Variants in PSMD1 observed in about 807,000 individuals in gnomAD.
PSMD1 encodes the protein proteasome 26S subunit, non-ATPase 1, also known as 26S proteasome non-ATPase regulatory subunit 1.
In PSMD1, 18 loss-of-function variants were observed where a neutral mutation model predicts 119.0. That is an observed-to-expected ratio of 0.15 (90% CI 0.10 to 0.22). The LOEUF is 0.22. PSMD1 is among the 10% of genes least tolerant of loss of function. The pLI is 1.00. For synonymous variants in PSMD1, 374 were observed against 396.6 expected (o/e 0.94, Z 0.68); for missense variants, 702 against 1,158.5 (o/e 0.61, Z 5.72).
chr2:231,069,188 T>A (rs990579755), intron 5 of PSMD1, among the ~76,000 whole-genome samples: 45 of 144,238 alleles, frequency 3.1e-4, no homozygotes, highest in South Asian at 4.4e-4. Context: ...AAAAATGTTT[T>A]AAAAAAAAAA....
At chr2:231,063,591 A>G (rs1490084031) in intron 4 of PSMD1, among the ~76,000 whole-genome samples, 1 of 152,230 alleles carries the variant, frequency 6.6e-6, no homozygotes, top group Non-Finnish European at 1.5e-5. Flanking sequence ...GGTACCATCA[A>G]CTGTCCTTGG....
chr2:231,165,071 T>TTTATATACATATATAC lies in PSMD1; in HGVS notation c.2482-129_2482-128insTTATATACATATATAC, dbSNP rs1167986542. 3.2e-4 allele frequency: 17 copies of TTTATATACATATATAC among 52,466 alleles called. No homozygotes were observed. The East Asian group carries it at 6.8e-3, about 21-fold the overall frequency. The allele number at this position is 52,466 out of a possible 1,614,324, so 3.3% of individuals were successfully genotyped here. On this transcript the variant is annotated intron_variant, in intron 21 of 24. Transcript: ENST00000308696. ...ATATATATATATATATATATATATA[T>TTTATATACATATATAC]ATATATATATATATATATATGTAAT...
intron 20 of PSMD1, among the ~76,000 whole-genome samples, chr2:231,161,853 A>G (rs929888188): frequency 2.6e-5 from 4 of 152,242 alleles, no homozygotes; most frequent in South Asian, 2.1e-4. Flanking sequence ...CAAATGATAA[A>G]TGAACATGAG....
At chr2:231,090,960 T>C (rs1313009381) in intron 16 of PSMD1, among the ~76,000 whole-genome samples, 1 of 152,196 alleles carries the variant, frequency 6.6e-6, no homozygotes, top group Non-Finnish European at 1.5e-5. Flanking sequence ...ATTGTTGAAA[T>C]GTTAGGTGTA....
At chr2:231,102,061 C>T (rs1694881362) in intron 16 of PSMD1, among the ~76,000 whole-genome samples, 1 of 152,198 alleles carries the variant, frequency 6.6e-6, no homozygotes, top group Admixed American at 6.5e-5. Context: ...TTAGGAGATC[C>T]TCCTGTTTCC....
chr2:231,088,597 C>T (rs557535397), intron 16 of PSMD1, among the ~76,000 whole-genome samples: 4 of 152,256 alleles, frequency 2.6e-5, no homozygotes, highest in Admixed American at 2.0e-4. Context: ...TTTTGGGACA[C>T]CACGAACCAC....
At chr2:231,071,158 G>GT (rs1311381739) in intron 6 of PSMD1, among the ~76,000 whole-genome samples, 1 of 151,444 alleles carries the variant, frequency 6.6e-6, no homozygotes, top group Admixed American at 6.6e-5. Context: ...ATTTTTCATA[G>GT]TTTTTTTTAA....
intron 16 of PSMD1, among the ~76,000 whole-genome samples, chr2:231,098,398 G>C (rs1237018864): frequency 1.3e-5 from 2 of 151,792 alleles, no homozygotes; most frequent in African/African-American, 4.8e-5. Context: ...TTGAGTTTCT[G>C]TTCTCTCTCT....
chr2:231,101,307 C>T (rs924385325), intron 16 of PSMD1, among the ~76,000 whole-genome samples: 2 of 152,138 alleles, frequency 1.3e-5, no homozygotes, highest in East Asian at 3.9e-4. Context: ...AATTTAACTG[C>T]CTTTAGCTAA....
chr2:231,103,426 T>C (rs1160380805), intron 16 of PSMD1, among the ~76,000 whole-genome samples: 1 of 152,230 alleles, frequency 6.6e-6, no homozygotes, highest in Non-Finnish European at 1.5e-5. Flanking sequence ...GATTGTTTCT[T>C]AAGTTACACT....
intron 5 of PSMD1, 36 bp downstream of exon 5, chr2:231,067,147 A>T: frequency 6.8e-7 from 1 of 1,462,684 alleles, no homozygotes; most frequent in Non-Finnish European, 9.2e-7. Flanking sequence ...ATTATTGTTG[A>T]TAGGGAATCA....
At chr2:231,102,741 AAGT>A (rs2125195616) in intron 16 of PSMD1, among the ~76,000 whole-genome samples, 1 of 152,182 alleles carries the variant, frequency 6.6e-6, no homozygotes, top group East Asian at 1.9e-4. Context: ...GAGGCAGAAG[AAGT>A]AGGTACACTC....
chr2:231,146,786 AC>A (rs1488814249), intron 18 of PSMD1, among the ~76,000 whole-genome samples: 5 of 152,216 alleles, frequency 3.3e-5, no homozygotes, highest in Admixed American at 3.3e-4. Context: ...TTTGTATCGT[AC>A]ATACCATCTT....
intron 17 of PSMD1, among the ~76,000 whole-genome samples, chr2:231,144,230 ATATT>A (rs947803838): frequency 1.3e-5 from 2 of 150,880 alleles, no homozygotes; most frequent in Admixed American, 6.6e-5. Context: ...CCTTACGCTA[ATATT>A]TGAAAGAGGT....
At chr2:231,157,317 A>G (rs922826391) in intron 19 of PSMD1, among the ~76,000 whole-genome samples, 1 of 151,468 alleles carries the variant, frequency 6.6e-6, no homozygotes, top group Non-Finnish European at 1.5e-5. Flanking sequence ...TTAAGAAAAA[A>G]GAATTAGGGG....
chr2:231,121,942 G>A (rs1335545937), intron 16 of PSMD1, among the ~76,000 whole-genome samples: 1 of 152,024 alleles, frequency 6.6e-6, no homozygotes, highest in African/African-American at 2.4e-5. Context: ...TATGCACATG[G>A]AGATGAGAGC....
At chr2:231,106,960 C>A (rs2125200089) in intron 16 of PSMD1, among the ~76,000 whole-genome samples, 1 of 152,164 alleles carries the variant, frequency 6.6e-6, no homozygotes, top group African/African-American at 2.4e-5. Flanking sequence ...TTAACATATG[C>A]CAAATCCATC....
At chr2:231,131,011 C>A (rs1205433210) in intron 16 of PSMD1, among the ~76,000 whole-genome samples, 1 of 152,132 alleles carries the variant, frequency 6.6e-6, no homozygotes, top group Non-Finnish European at 1.5e-5. Context: ...TTTCTTTTAA[C>A]CTGTAGGTTC....
intron 15 of PSMD1, 66 bp downstream of exon 15, chr2:231,085,180 C>A: frequency 7.6e-7 from 1 of 1,319,326 alleles, no homozygotes; most frequent in South Asian, 1.2e-5. Context: ...CAATAAGTGT[C>A]TAGGTGACTC....
Sources: gnomAD v4.1 joint callset for allele counts (sites outside exome capture counted in the v4.1 genomes callset) on GRCh38, gnomAD v4.1.1 for gene constraint, MANE v1.5 for transcripts, NCBI Gene and HGNC (gene_info 2026-07-23, HGNC 2026-07-21) for gene names.